MACF1: variants seen among roughly 807,000 people sequenced by gnomAD.
MACF1 encodes microtubule actin crosslinking factor 1, also known as microtubule-actin cross-linking factor 1.
MACF1 carries 193 observed loss-of-function variants against 854.8 expected under a neutral mutation model. The ratio of observed to expected loss-of-function variants is 0.23; its 90% confidence interval spans 0.20 to 0.25. MACF1 has a LOEUF of 0.25. Among genes scored for constraint, MACF1 ranks in the 10% least tolerant of loss-of-function variants. The probability of loss-of-function intolerance (pLI) is 1.00; values close to 1 mark genes in which losing one functional copy is unlikely to be tolerated. For synonymous variants in MACF1, 3,185 were observed against 3,226.7 expected, an observed-to-expected ratio of 0.99 and a Z score of 0.44; for missense variants, 7,722 against 8,929.1, an observed-to-expected ratio of 0.86 and a Z score of 5.45.
chr1:39,295,110 T>C lies in MACF1; in HGVS notation c.2219T>C (p.Leu740Pro). The change falls in exon 19 of 101, where the codon CTA becomes CCA. Residue 740 changes from leucine to proline, a missense_variant. Leu to Pro is a moderately conservative substitution (Grantham distance 98). This residue lies in a region of MACF1 where 1,137 missense variants were observed against 1,263.0 expected (regional missense o/e 0.90). Transcript: ENST00000564288. Reference sequence around the variant, plus strand: ...CGTTCTCTACAAGATACAGCAGAACTACTTTCACTTGAGAACCACCCAGCC... The same window carrying C: ...CGTTCTCTACAAGATACAGCAGAACCACTTTCACTTGAGAACCACCCAGCC... ...VFRSLQDTAE[L>P]LSLENHPAKQ... 6.2e-7 allele frequency: 1 copy of C among 1,614,146 alleles called. No individual in the cohort carries two copies.
intron 2 of MACF1, among the ~76,000 whole-genome samples, chr1:39,151,431 A>G (rs1461119406): frequency 1.3e-5 from 2 of 152,176 alleles, no homozygotes; most frequent in East Asian, 1.9e-4. Context: ...AGCCCTTGCA[A>G]TGGGTTTCCA....
At chr1:39,218,402 T>C (rs1300006501) in intron 1 of MACF1, among the ~76,000 whole-genome samples, 1 of 152,188 alleles carries the variant, frequency 6.6e-6, no homozygotes, top group Non-Finnish European at 1.5e-5. Context: ...AACCATAGAC[T>C]AGACACCAGG....
intron 3 of MACF1, 146 bp downstream of exon 3, chr1:39,250,249 T>C (rs757856182): frequency 1.0e-5 from 5 of 482,328 alleles, no homozygotes; most frequent in Non-Finnish European, 1.9e-5. Context: ...GGGGACTTTA[T>C]TTCTAACTCA....
At chr1:39,162,012 A>C (rs913841288) in intron 2 of MACF1, among the ~76,000 whole-genome samples, 1 of 151,468 alleles carries the variant, frequency 6.6e-6, no homozygotes, top group African/African-American at 2.4e-5. Flanking sequence ...GGAGTGAGCT[A>C]TGATCATGCC....
intron 20 of MACF1, among the ~76,000 whole-genome samples, chr1:39,297,316 AC>A (rs1037328936): frequency 4.6e-5 from 7 of 152,104 alleles, no homozygotes; most frequent in Admixed American, 3.9e-4. Context: ...CATGAAATAC[AC>A]CCCACAGCCA....
At chr1:39,468,838 T>G (rs1453601715) in intron 96 of MACF1, 106 bp downstream of exon 96, 2 of 1,028,988 alleles carry the variant, frequency 1.9e-6, no homozygotes. Flanking sequence ...TTTTTTATTT[T>G]GTTAAGCTGC....
rs748634578 is a variant in MACF1, at chr1:39,295,141, G to T, written c.2250G>T (p.Gln750His). 1 of 1,613,806 alleles carries T rather than the reference G, an allele frequency of 6.2e-7. No homozygotes were observed. The highest frequency in any genetic ancestry group is 1.1e-5 in the South Asian group (1 of 91,076). ...CACTTGAGAACCACCCAGCCAAGCA[G>T]ACAGTGGAGGTGTGTGACTTGAGAA... ...LLSLENHPAK[Q>H]TVEAYSAAVQ... The change falls in exon 19 of 101, where the codon CAG (glutamine) becomes CAT (histidine). Residue 750 changes from glutamine (Q) to histidine (H), a missense_variant. By Grantham distance (24) the Gln-to-His change is conservative (BLOSUM62 0). Around this residue, in one of 15 missense-constraint regions of MACF1, gnomAD observed 1,137 missense variants for 1,263.0 expected, o/e 0.90. Coordinates refer to ENST00000564288, the MANE Select transcript of MACF1 (RefSeq NM_001394062.1).
chr1:39,164,145 C>T (rs1000229809), intron 2 of MACF1, among the ~76,000 whole-genome samples: 1 of 152,198 alleles, frequency 6.6e-6, no homozygotes, highest in Middle Eastern at 3.4e-3. Flanking sequence ...ACTCCAGTAG[C>T]GGGGCATGTA....
chr1:39,423,589 C>T (rs1488550500), intron 60 of MACF1, among the ~76,000 whole-genome samples: 1 of 141,710 alleles, frequency 7.1e-6, no homozygotes, highest in African/African-American at 2.7e-5. Context: ...GAGCCGAGAT[C>T]GAGCCAGTGC....
Position 39,334,560 on chromosome 1 carries a change from G to T in MACF1, c.7972G>T (p.Gly2658Trp). The T allele has an allele frequency of 6.2e-7, 1 of 1,614,102 alleles. No homozygotes were observed. The highest frequency in any genetic ancestry group is 8.5e-7 in the Non-Finnish European group (1 of 1,180,028). ...AATTCCCTTCTCAGACATTAAAGATGGGGTGAGCGACAAAGTGCTTACATT... is the reference window on the plus strand; with the variant it reads ...AATTCCCTTCTCAGACATTAAAGATTGGGTGAGCGACAAAGTGCTTACATT... ...EVIPFSDIKD[G>W]VSDKVLTLSQ... The change falls in exon 37 of 101, where the codon GGG becomes TGG. Residue 2658 changes from glycine (G) to tryptophan (W), a missense_variant. This residue lies in a region of MACF1 where 1,531 missense variants were observed against 1,601.6 expected (regional missense o/e 0.96). Coordinates refer to ENST00000564288, the MANE Select transcript of MACF1 (RefSeq NM_001394062.1).
chr1:39,323,097 C>T, intron 33 of MACF1, 89 bp downstream of exon 33: 1 of 1,248,644 alleles, frequency 8.0e-7, no homozygotes, highest in Non-Finnish European at 1.2e-6. Context: ...CTCTGGTACC[C>T]AGGTGGCTGA....
At position 39,315,656 on chromosome 1, in the gene MACF1, C is replaced by A. The variant is rs763617504; in HGVS notation, c.3414C>A (p.Asp1138Glu). The change falls in exon 27 of 101, where the codon GAC becomes GAA. Residue 1138 changes from aspartate (D) to glutamate (E), a missense_variant. Asp to Glu is a conservative substitution (Grantham distance 45). Coordinates refer to ENST00000564288, the MANE Select transcript of MACF1 (RefSeq NM_001394062.1). ...SELNLLVEKMDHVYGLSTVYL... is the reference protein window; with the variant it reads ...SELNLLVEKMEHVYGLSTVYL... ...TGAATCTGCTGGTGGAGAAGATGGA[C>A]CATGTCTATGGTCTCTCTACTGTAT... The A allele has an allele frequency of 1.9e-6, 3 of 1,614,066 alleles. 1 individual carries two copies. The Admixed American group carries it at 5.0e-5, about 27-fold the overall frequency.
At chr1:39,205,652 C>T (rs1413176841) in intron 1 of MACF1, among the ~76,000 whole-genome samples, 1 of 152,036 alleles carries the variant, frequency 6.6e-6, no homozygotes, top group East Asian at 1.9e-4. Context: ...CGAGGGGCAT[C>T]CTGGAACACT....
At chr1:39,412,492 T>G in intron 58 of MACF1, 1 of 1,614,004 alleles carries the variant, frequency 6.2e-7, no homozygotes, top group Non-Finnish European at 8.5e-7. Flanking sequence ...CCACAGAAAC[T>G]TCCCAGAGCA....
chr1:39,425,970 C>T (rs919630260), intron 61 of MACF1, among the ~76,000 whole-genome samples: 9 of 152,084 alleles, frequency 5.9e-5, no homozygotes, highest in Non-Finnish European at 1.0e-4. Flanking sequence ...AAACAAATAA[C>T]AAGAGTAGAT....
chr1:39,297,650 T>C lies in MACF1; in HGVS notation c.2386T>C (p.Phe796Leu). 6.2e-7 allele frequency: 1 copy of C among 1,614,232 alleles called. No homozygotes were observed. The highest frequency in any genetic ancestry group is 8.5e-7 in the Non-Finnish European group (1 of 1,180,036). ...FFSDARELES[F>L]LRNLQDSIKR... Reference sequence around the variant, plus strand: ...CAGTGATGCACGAGAGCTGGAGTCATTCTTGAGGAACCTCCAAGATTCCAT... The same window carrying C: ...CAGTGATGCACGAGAGCTGGAGTCACTCTTGAGGAACCTCCAAGATTCCAT... The change falls in exon 21 of 101, where the codon TTC becomes CTC. Residue 796 changes from phenylalanine to leucine, a missense_variant. Around this residue, in one of 15 missense-constraint regions of MACF1, gnomAD observed 1,137 missense variants for 1,263.0 expected, o/e 0.90. Transcript: ENST00000564288.
chr1:39,154,488 G>C (rs777206574), intron 2 of MACF1, among the ~76,000 whole-genome samples: 1 of 152,122 alleles, frequency 6.6e-6, no homozygotes, highest in African/African-American at 2.4e-5. Context: ...GGTGCTCTAT[G>C]GGAGGGGGAC....
At position 39,144,034 on chromosome 1, in the gene MACF1, C is replaced by T. The variant is rs562195269; in HGVS notation, c.220+59596C>T. On this transcript the variant is annotated intron_variant, in intron 2 of 93. Transcript: ENST00000361689. ...TGATCTCCTGACCTCGTGATCCGCC[C>T]GCCTCGGCCACCAAGGTGCTGGGAT... Among the ~76,000 whole-genome samples, 68 of 150,670 alleles carry T rather than the reference C, an allele frequency of 4.5e-4. No homozygotes were observed. In the South Asian group the frequency reaches 6.5e-3, roughly 14 times the overall value.
intron 69 of MACF1, among the ~76,000 whole-genome samples, chr1:39,435,024 G>C (rs1298895390): frequency 1.3e-5 from 2 of 152,214 alleles, no homozygotes; most frequent in African/African-American, 4.8e-5. Flanking sequence ...GCTCTGTATA[G>C]TTAATGACAC....
Sources: allele counts gnomAD v4.1 joint callset (sites outside exome capture counted in the v4.1 genomes callset), GRCh38; gene constraint gnomAD v4.1.1; regional missense constraint gnomAD v4.1.1; transcripts MANE v1.5; gene names NCBI Gene and HGNC (gene_info 2026-07-23, HGNC 2026-07-21).